Variants in DOCK8 observed in about 807,000 individuals in gnomAD.
DOCK8 encodes dedicator of cytokinesis protein 8.
In DOCK8, 141 loss-of-function variants were observed where a neutral mutation model predicts 245.6. The observed-to-expected ratio is 0.57, with a 90% CI of 0.50 to 0.66. The LOEUF (loss-of-function observed/expected upper bound fraction) is 0.66. Ranked by LOEUF, DOCK8 falls within the 30% of genes least tolerant of loss-of-function variation. The pLI is 0.00. For missense variants in DOCK8, 2,965 were observed against 2,603.4 expected (o/e 1.14, Z -3.02); for synonymous variants, 1,168 against 970.2 (o/e 1.20, Z -3.79).
At chr9:433,470 AT>A (rs1738785780) in intron 37 of DOCK8, among the ~76,000 whole-genome samples, 1 of 152,210 alleles carries the variant, frequency 6.6e-6, no homozygotes, top group Non-Finnish European at 1.5e-5. Context: ...CCCTGGGAAG[AT>A]CCAGGAGGCT....
At chr9:362,025 T>C (rs956269308) in intron 14 of DOCK8, among the ~76,000 whole-genome samples, 1 of 152,156 alleles carries the variant, frequency 6.6e-6, no homozygotes, top group Non-Finnish European at 1.5e-5. Context: ...TGTTCGACCT[T>C]GAACAACTAC....
In DOCK8 at chr9:405,150, C is replaced by T. The variant is rs112998557; in HGVS notation, c.3390+77C>T. 2.0e-3 allele frequency: 2,846 copies of T among 1,417,980 alleles called. 42 individuals carry two copies. In the African/African-American group the frequency reaches 0.033, roughly 17 times the overall value. The allele number at this position is 1,417,980 out of a possible 1,614,324, so 87.8% of individuals were successfully genotyped here. ...CTAGCTCAGTTTAATCATGTATTTC[C>T]TATAAAGGTTAGTCTTATTAATTTG... On this transcript the variant is annotated intron_variant, in intron 27 of 47. Transcript: ENST00000432829.
intron 45 of DOCK8, among the ~76,000 whole-genome samples, chr9:450,233 G>C (rs141614189): frequency 7.4e-4 from 113 of 152,308 alleles, no homozygotes; most frequent in East Asian, 4.6e-3. Context: ...CAAATCTGGA[G>C]TCATGTTGAA....
chr9:435,496 G>A (rs2056867573), intron 39 of DOCK8, among the ~76,000 whole-genome samples: 2 of 152,180 alleles, frequency 1.3e-5, no homozygotes, highest in South Asian at 2.1e-4. Flanking sequence ...TCAAAGACTT[G>A]TAGTTGACAC....
chr9:422,402 G>C (rs2056312356), intron 33 of DOCK8, among the ~76,000 whole-genome samples: 2 of 152,218 alleles, frequency 1.3e-5, no homozygotes, highest in Admixed American at 1.3e-4. Context: ...AATAAAAGCA[G>C]CTGATTTTGC....
intron 26 of DOCK8, among the ~76,000 whole-genome samples, chr9:400,044 C>T (rs112106508): frequency 0.18 from 16,385 of 92,006 alleles, 2,446 homozygotes; most frequent in East Asian, 0.32. Context: ...CCACCACCAC[C>T]TCCACCATCA....
intron 6 of DOCK8, chr9:312,410 T>G (rs994660837): frequency 3.1e-6 from 2 of 635,002 alleles, no homozygotes; most frequent in African/African-American, 1.8e-5. Context: ...TTACAAAATA[T>G]GTTCACTAAG....
chr9:340,215 C>G lies in DOCK8; in HGVS notation c.1573C>G (p.Pro525Ala). ...APEIINCCLT[P>A]EMLPVKPFPE... ...AGAGATCATCAATTGCTGTCTGACT[C>G]CTGAAATGCTGCCCGTGAAACCCTT... Residue 525 changes from proline to alanine, a missense_variant, in exon 14 of 48, where the codon CCT (proline) becomes GCT (alanine). Coordinates refer to ENST00000432829, the MANE Select transcript of DOCK8 (RefSeq NM_203447.4). 1 of 1,614,152 alleles carries G rather than the reference C, an allele frequency of 6.2e-7. No individual in the cohort carries two copies. The highest frequency in any genetic ancestry group is 8.5e-7 in the Non-Finnish European group (1 of 1,180,026).
intron 12 of DOCK8, 73 bp downstream of exon 12, chr9:336,791 G>A: frequency 6.3e-7 from 1 of 1,576,118 alleles, no homozygotes. Context: ...ACAGGAGGAG[G>A]ATACGTAGTG....
chr9:335,159 A>G (rs912528690), intron 11 of DOCK8, among the ~76,000 whole-genome samples: 1 of 152,230 alleles, frequency 6.6e-6, no homozygotes. Context: ...TGCCAAGTGC[A>G]ATGAAAAAAT....
chr9:246,235 A>C (rs762413628), intron 1 of DOCK8, among the ~76,000 whole-genome samples: 12 of 151,874 alleles, frequency 7.9e-5, no homozygotes, highest in Non-Finnish European at 1.5e-4. Context: ...AAAAATGGGC[A>C]TCTGGCCAGG....
rs139279159 is a variant in DOCK8, at chr9:387,373, G to T, written c.2874+947G>T. Among the ~76,000 whole-genome samples, 17 of 151,744 alleles carry T rather than the reference G, an allele frequency of 1.1e-4. 1 individual carries two copies. The highest frequency in any genetic ancestry group is 4.1e-4 in the African/African-American group (17 of 41,310). On this transcript the variant is annotated intron_variant, in intron 23 of 47. Coordinates refer to ENST00000432829, the MANE Select transcript of DOCK8 (RefSeq NM_203447.4). ...CAGGAGAATCACTTGAACACGGGAG[G>T]CAGAGGCTGCAGTGAGCTGAGATCG...
intron 46 of DOCK8, chr9:456,728 G>A (rs1275268557): frequency 2.0e-5 from 3 of 151,866 alleles, no homozygotes; most frequent in African/African-American, 7.3e-5. Context: ...AACATCTCGG[G>A]TTCAGAAGCC....
upstream of DOCK8, chr9:213,469 GA>G (rs1395795183): frequency 1.3e-5 from 2 of 152,106 alleles, no homozygotes; most frequent in African/African-American, 4.8e-5. Context: ...TTTAAAAGGG[GA>G]AAACAAACAG....
chr9:345,625 C>G (rs963848602), intron 14 of DOCK8, among the ~76,000 whole-genome samples: 1 of 152,308 alleles, frequency 6.6e-6, no homozygotes, highest in African/African-American at 2.4e-5. Flanking sequence ...GCCATAGTGC[C>G]TCAGGTAAAG....
At chr9:348,987 G>A (rs886078825) in intron 14 of DOCK8, among the ~76,000 whole-genome samples, 4 of 152,182 alleles carry the variant, frequency 2.6e-5, no homozygotes, top group Non-Finnish European at 5.9e-5. Context: ...ATGTCCTGTG[G>A]TTTCAGGCCT....
intron 28 of DOCK8, among the ~76,000 whole-genome samples, chr9:410,179 C>T (rs28690436): frequency 0.029 from 4,338 of 151,992 alleles, 205 homozygotes; most frequent in African/African-American, 0.099. Context: ...GTGTAAAGTG[C>T]GATTAATATT....
intron 36 of DOCK8, 144 bp downstream of exon 36, chr9:429,998 A>G (rs1164494761): frequency 7.2e-6 from 7 of 973,356 alleles, no homozygotes; most frequent in African/African-American, 1.6e-5. Flanking sequence ...GTATGTAGAT[A>G]GATAGCAGCT....
chr9:428,843 T>C (rs1383815015), intron 35 of DOCK8, among the ~76,000 whole-genome samples: 2 of 152,266 alleles, frequency 1.3e-5, no homozygotes. Flanking sequence ...ATCCTCTATG[T>C]GACGCCCATT....
Sources: gnomAD v4.1 joint callset for allele counts (sites outside exome capture counted in the v4.1 genomes callset) on GRCh38, gnomAD v4.1.1 for gene constraint, MANE v1.5 for transcripts, NCBI Gene and HGNC (gene_info 2026-07-23, HGNC 2026-07-21) for gene names.